Variants in CHRM3 observed in about 807,000 individuals in gnomAD.
CHRM3 encodes the protein muscarinic acetylcholine receptor M3.
In CHRM3, 11 loss-of-function variants were observed where a neutral mutation model predicts 41.8. That is an observed-to-expected ratio of 0.26 (90% CI 0.17 to 0.44). The LOEUF is 0.44. CHRM3 is among the 20% of genes least tolerant of loss of function. CHRM3 has a pLI of 1.00. For missense variants in CHRM3, 571 were observed against 745.4 expected (o/e 0.77, Z 2.72); for synonymous variants, 297 against 301.4 (o/e 0.99, Z 0.15).
chr1:239,699,160 A>G (rs1660459803), intron 5 of CHRM3, among the ~76,000 whole-genome samples: 3 of 151,960 alleles, frequency 2.0e-5, no homozygotes, highest in African/African-American at 7.3e-5. Context: ...TATTTCATGT[A>G]TTAAAAGTAT....
chr1:239,835,217 T>C (rs925388726), intron 6 of CHRM3, among the ~76,000 whole-genome samples: 1 of 152,250 alleles, frequency 6.6e-6, no homozygotes, highest in Non-Finnish European at 1.5e-5. Flanking sequence ...TGGGCAGATC[T>C]TCAGTCTTTC....
At chr1:239,825,230 C>A (rs182626972) in intron 5 of CHRM3, among the ~76,000 whole-genome samples, 2 of 152,276 alleles carry the variant, frequency 1.3e-5, no homozygotes, top group Non-Finnish European at 2.9e-5. Context: ...CTAGCATTCT[C>A]CTCATCTATT....
intron 1 of CHRM3, among the ~76,000 whole-genome samples, chr1:239,420,341 C>T (rs980562038): frequency 3.3e-5 from 5 of 152,176 alleles, no homozygotes; most frequent in East Asian, 1.9e-4. Context: ...CACCAGAGAG[C>T]GTACGCTGAA....
chr1:239,568,240 C>G (rs1424862564), intron 3 of CHRM3, among the ~76,000 whole-genome samples: 2 of 152,200 alleles, frequency 1.3e-5, no homozygotes, highest in African/African-American at 2.4e-5. Flanking sequence ...CAAATCTCAT[C>G]TTGAATTGTA....
intron 6 of CHRM3, among the ~76,000 whole-genome samples, chr1:239,899,301 GTGTGTGTA>G (rs1337416821): frequency 4.9e-4 from 68 of 138,270 alleles, no homozygotes; most frequent in African/African-American, 1.3e-3. Context: ...GTGTGTGTGT[GTGTGTGTA>G]TATACACACA....
chr1:239,604,451 A>T (rs1665997419), intron 3 of CHRM3, among the ~76,000 whole-genome samples: 1 of 152,172 alleles, frequency 6.6e-6, no homozygotes, highest in Non-Finnish European at 1.5e-5. Flanking sequence ...TTAGTTTATG[A>T]CTGAAATTAT....
At chr1:239,828,254 A>T (rs945265831) in intron 6 of CHRM3, among the ~76,000 whole-genome samples, 1 of 152,182 alleles carries the variant, frequency 6.6e-6, no homozygotes. Flanking sequence ...ACATAGATAT[A>T]CATACACATA....
intron 2 of CHRM3, among the ~76,000 whole-genome samples, chr1:239,543,500 A>G (rs543618992): frequency 3.3e-5 from 5 of 150,022 alleles, no homozygotes; most frequent in African/African-American, 9.7e-5. Flanking sequence ...GAAATCAGCA[A>G]CCGATTTATT....
At chr1:239,781,606 A>G (rs1668513918) in intron 5 of CHRM3, among the ~76,000 whole-genome samples, 1 of 152,032 alleles carries the variant, frequency 6.6e-6, no homozygotes, top group Admixed American at 6.6e-5. Flanking sequence ...AATTCTTAGC[A>G]TTCCCTTTTC....
intron 1 of CHRM3, among the ~76,000 whole-genome samples, chr1:239,489,403 ACT>A (rs983934277): frequency 1.3e-5 from 2 of 149,414 alleles, no homozygotes; most frequent in Admixed American, 1.3e-4. Context: ...ACAGAGCGAG[ACT>A]CTGTCTCAAA....
intron 3 of CHRM3, among the ~76,000 whole-genome samples, chr1:239,555,022 C>A (rs577379044): frequency 1.3e-5 from 2 of 152,136 alleles, no homozygotes; most frequent in Admixed American, 6.5e-5. Flanking sequence ...GCCACCGCTC[C>A]CAGCCCTGGT....
intron 1 of CHRM3, among the ~76,000 whole-genome samples, chr1:239,439,948 C>G (rs1287522590): frequency 8.6e-5 from 13 of 152,026 alleles, no homozygotes; most frequent in Admixed American, 8.5e-4. Flanking sequence ...GCCTGTAATC[C>G]CAGCACTTTG....
intron 1 of CHRM3, among the ~76,000 whole-genome samples, chr1:239,479,190 C>CCACATACACACACA (rs71567247): frequency 1.2e-4 from 17 of 139,988 alleles, no homozygotes; most frequent in African/African-American, 4.3e-4. Flanking sequence ...TTTCAAAAAA[C>CCACATACACACACA]CACACACACA....
At chr1:239,425,905 G>C (rs950621890) in intron 1 of CHRM3, among the ~76,000 whole-genome samples, 1 of 152,066 alleles carries the variant, frequency 6.6e-6, no homozygotes, top group Non-Finnish European at 1.5e-5. Flanking sequence ...TATAAAAGCC[G>C]TTCAGTGTTC....
intron 3 of CHRM3, among the ~76,000 whole-genome samples, chr1:239,551,368 G>C (rs1315124021): frequency 1.3e-5 from 2 of 151,440 alleles, no homozygotes; most frequent in Admixed American, 6.6e-5. Flanking sequence ...CTCCATGTTG[G>C]TCAGGCTGGT....
intron 3 of CHRM3, among the ~76,000 whole-genome samples, chr1:239,557,373 G>C (rs1289974739): frequency 6.6e-6 from 1 of 152,080 alleles, no homozygotes; most frequent in Non-Finnish European, 1.5e-5. Flanking sequence ...CTCCCTTCTG[G>C]TAATCATTCC....
intron 6 of CHRM3, among the ~76,000 whole-genome samples, chr1:239,871,293 A>G (rs758590756): frequency 6.6e-6 from 1 of 152,110 alleles, no homozygotes; most frequent in Non-Finnish European, 1.5e-5. Flanking sequence ...CGAGGCTGGA[A>G]TAGAGTGGTG....
intron 1 of CHRM3, among the ~76,000 whole-genome samples, chr1:239,413,497 A>C (rs988253340): frequency 2.6e-5 from 4 of 152,140 alleles, no homozygotes; most frequent in African/African-American, 9.6e-5. Flanking sequence ...CATGTTGGCC[A>C]GGCTGGTCTT....
At chr1:239,406,686 A>T (rs1483843549) in intron 1 of CHRM3, among the ~76,000 whole-genome samples, 3 of 152,228 alleles carry the variant, frequency 2.0e-5, no homozygotes, top group Non-Finnish European at 4.4e-5. Flanking sequence ...AGACTAAGCT[A>T]TAAAGAAGTA....
Sources: gnomAD v4.1 joint callset for allele counts (sites outside exome capture counted in the v4.1 genomes callset) on GRCh38, gnomAD v4.1.1 for gene constraint, MANE v1.5 for transcripts, NCBI Gene and HGNC (gene_info 2026-07-23, HGNC 2026-07-21) for gene names.